The following CDH4 variants were observed in gnomAD, a reference collection of about 807,000 sequenced individuals.
The protein encoded by CDH4 is cadherin 4, also known as cadherin-4.
Under a neutral mutation model 86.0 loss-of-function variants are expected in CDH4, and 33 were observed. The ratio of observed to expected loss-of-function variants is 0.38; its 90% CI spans 0.29 to 0.51. The LOEUF is 0.51. Ranked by LOEUF, CDH4 falls within the 20% of genes least tolerant of loss-of-function variation. CDH4 has a pLI of 0.86. For missense variants in CDH4, 1,114 were observed against 1,307.4 expected (o/e 0.85, Z 2.28); for synonymous variants, 555 against 549.4 (o/e 1.01, Z -0.14).
At chr20:61,797,621 C>A (rs1156735796) in intron 4 of CDH4, among the ~76,000 whole-genome samples, 1 of 147,292 alleles carries the variant, frequency 6.8e-6, no homozygotes, top group African/African-American at 2.5e-5. Context: ...CCCATCTCTA[C>A]AAAACAATAA....
At chr20:61,925,054 G>C (rs2055029501) in intron 11 of CDH4, among the ~76,000 whole-genome samples, 1 of 152,194 alleles carries the variant, frequency 6.6e-6, no homozygotes, top group African/African-American at 2.4e-5. Flanking sequence ...GGAGGCATGA[G>C]ACCCTCCAGG....
rs1039028472 is a variant in CDH4 at position 61,456,708 on chromosome 20, C to G, written c.169+201771C>G. On this transcript the variant is annotated intron_variant, in intron 2 of 15. Transcript: ENST00000614565. The stretch of plus-strand genomic sequence containing the variant: ...GTGCACCTTCAGAAGACAACAGACA[C>G]GGGAGAGGCAGCTCCAGAGAGGAGC... Among the ~76,000 whole-genome samples the G allele has an allele frequency of 2.0e-5, 3 of 152,192 alleles. No homozygotes were observed. In the East Asian group the frequency reaches 5.8e-4, roughly 29 times the overall value.
At chr20:61,318,622 G>A (rs541000263) in intron 2 of CDH4, among the ~76,000 whole-genome samples, 1 of 152,318 alleles carries the variant, frequency 6.6e-6, no homozygotes, top group African/African-American at 2.4e-5. Context: ...GTGCCCAGGA[G>A]GAGCCTGGAA....
At chr20:61,653,865 A>G (rs1487257118) in intron 2 of CDH4, among the ~76,000 whole-genome samples, 3 of 108,970 alleles carry the variant, frequency 2.8e-5, no homozygotes, top group South Asian at 3.7e-4. Flanking sequence ...CCTAGATGGG[A>G]TGGCGGCCGG....
chr20:61,745,983 C>A (rs1185283418), intron 3 of CDH4, among the ~76,000 whole-genome samples: 2 of 152,204 alleles, frequency 1.3e-5, no homozygotes, highest in African/African-American at 4.8e-5. Flanking sequence ...TGGGAATGTG[C>A]CTCGACCCAC....
chr20:61,862,940 G>T (rs955353697), intron 6 of CDH4, among the ~76,000 whole-genome samples: 3 of 152,086 alleles, frequency 2.0e-5, no homozygotes, highest in African/African-American at 7.2e-5. Context: ...AGTGGGCCCC[G>T]TTTATTTATT....
At chr20:61,704,535 G>A (rs1012863412) in intron 2 of CDH4, among the ~76,000 whole-genome samples, 4 of 152,192 alleles carry the variant, frequency 2.6e-5, no homozygotes, top group Non-Finnish European at 5.9e-5. Flanking sequence ...CCCAGAGCCA[G>A]GTTGCTTGGC....
intron 2 of CDH4, among the ~76,000 whole-genome samples, chr20:61,592,049 G>A (rs1159525478): frequency 6.6e-6 from 1 of 152,112 alleles, no homozygotes; most frequent in African/African-American, 2.4e-5. Context: ...ATGACTACCT[G>A]CTGCTTGTCT....
intron 2 of CDH4, among the ~76,000 whole-genome samples, chr20:61,689,003 C>T (rs535986334): frequency 3.3e-5 from 5 of 152,376 alleles, no homozygotes; most frequent in South Asian, 2.1e-4. Flanking sequence ...GACCTGCCTT[C>T]GCAGCTCCCT....
chr20:61,554,524 C>T (rs73611538), intron 2 of CDH4, among the ~76,000 whole-genome samples: 8,188 of 152,248 alleles, frequency 0.054, 366 homozygotes, highest in East Asian at 0.23. Flanking sequence ...AGCCTTTCCC[C>T]GTGGGGCTCA....
chr20:61,555,883 G>A (rs557954199), intron 2 of CDH4, among the ~76,000 whole-genome samples: 28 of 152,310 alleles, frequency 1.8e-4, no homozygotes, highest in South Asian at 6.2e-4. Context: ...GTTTCTAGTC[G>A]TGTGACAATG....
intron 2 of CDH4, among the ~76,000 whole-genome samples, chr20:61,329,973 T>G (rs111905863): frequency 3.3e-5 from 5 of 152,110 alleles, no homozygotes; most frequent in Non-Finnish European, 5.9e-5. Flanking sequence ...TTTCTGAGGA[T>G]AATGGCTTCT....
chr20:61,527,216 C>T (rs1335767140), intron 2 of CDH4, among the ~76,000 whole-genome samples: 3 of 152,212 alleles, frequency 2.0e-5, no homozygotes, highest in Non-Finnish European at 2.9e-5. Context: ...AACCTACTAT[C>T]TCCCAATAAA....
intron 2 of CDH4, among the ~76,000 whole-genome samples, chr20:61,403,216 G>A (rs2085059602): frequency 6.6e-6 from 1 of 152,216 alleles, no homozygotes; most frequent in Non-Finnish European, 1.5e-5. Context: ...AAGAGCAGGA[G>A]GCGGGTCTTG....
At chr20:61,297,850 G>T (rs1427613068) in intron 2 of CDH4, among the ~76,000 whole-genome samples, 1 of 152,252 alleles carries the variant, frequency 6.6e-6, no homozygotes, top group Non-Finnish European at 1.5e-5. Flanking sequence ...TCAGGAATCC[G>T]TGGGGAACCA....
At chr20:61,434,022 C>T (rs974065721) in intron 2 of CDH4, among the ~76,000 whole-genome samples, 8 of 152,194 alleles carry the variant, frequency 5.3e-5, no homozygotes, top group Non-Finnish European at 7.3e-5. Flanking sequence ...GCATGGCTGA[C>T]GTGCTGTCCT....
chr20:61,666,757 G>A (rs1038569714), intron 2 of CDH4, among the ~76,000 whole-genome samples: 2 of 152,190 alleles, frequency 1.3e-5, no homozygotes, highest in Non-Finnish European at 2.9e-5. Context: ...TCTTACCCTC[G>A]ATGGGGTGTT....
intron 2 of CDH4, among the ~76,000 whole-genome samples, chr20:61,497,883 AAG>A (rs897820030): frequency 9.2e-5 from 14 of 152,120 alleles, no homozygotes; most frequent in Non-Finnish European, 1.6e-4. Flanking sequence ...AGCCATAAAA[AAG>A]GATGCGTTCA....
At chr20:61,260,824 C>T (rs970592302) in intron 2 of CDH4, among the ~76,000 whole-genome samples, 2 of 152,180 alleles carry the variant, frequency 1.3e-5, no homozygotes, top group African/African-American at 2.4e-5. Context: ...ATAGTTTTGT[C>T]TGGTCCCAGG....
Sources: allele counts gnomAD v4.1 joint callset (sites outside exome capture counted in the v4.1 genomes callset), GRCh38; gene constraint gnomAD v4.1.1; transcripts MANE v1.5; gene names NCBI Gene and HGNC (gene_info 2026-07-23, HGNC 2026-07-21).